The following FANCM variants were observed in gnomAD, a reference collection of about 807,000 sequenced individuals.
FANCM encodes Fanconi anemia group M protein.
FANCM carries 140 observed loss-of-function variants against 199.5 expected under a neutral mutation model. That is an observed-to-expected ratio of 0.70 (90% CI 0.61 to 0.81). The LOEUF (loss-of-function observed/expected upper bound fraction) is 0.81. Among genes scored for constraint, FANCM ranks in the 30% least tolerant of loss-of-function variants. The pLI is 0.00. For synonymous variants in FANCM, 840 were observed against 836.8 expected (o/e 1.00, Z -0.07); for missense variants, 2,410 against 2,421.4 (o/e 1.00, Z 0.10).
In FANCM at chr14:45,151,519, G is replaced by A. The variant is rs140998495; in HGVS notation, c.1041G>A (p.Pro347=). 1.8e-3 allele frequency: 2,840 copies of A among 1,611,722 alleles called. 41 individuals are homozygous for A. The Admixed American group carries it at 0.029, about 16-fold the overall frequency. The change falls in exon 5 of 23, where the codon CCG becomes CCA. Residue 347 remains proline (P), a synonymous_variant. Coordinates refer to ENST00000267430, the MANE Select transcript of FANCM (RefSeq NM_020937.4). ...ATCAGTTTAGGAAAAACCCATCTCC[G>A]AATATTGTGGTAGGTATTTTTAAAT... ...ARDQFRKNPS[P]NIVGIQQGII... is the part of the protein sequence containing the mutation.
chr14:45,176,697 G>C lies in FANCM; in HGVS notation c.3943G>C (p.Ala1315Pro). Residue 1315 changes from alanine (A) to proline (P), a missense_variant, in exon 14 of 23, where the codon GCA becomes CCA. Ala to Pro is a conservative substitution (Grantham distance 27, BLOSUM62 -1). Coordinates refer to ENST00000267430, the MANE Select transcript of FANCM (RefSeq NM_020937.4). ...TTATGTACATTTGCCACTGAGTGCA[G>C]CAAAAAATGAAGAATTGTTATCTCC... ...PNYVHLPLSA[A>P]KNEELLSPGY... is the part of the protein sequence containing the mutation. 1 of 1,613,584 alleles carries C rather than the reference G, an allele frequency of 6.2e-7. No individual in the cohort carries two copies. Among genetic ancestry groups the C allele is most frequent in the South Asian group, 1.1e-5 (1 of 91,026 alleles).
intron 3 of FANCM, among the ~76,000 whole-genome samples, chr14:45,145,437 C>T (rs984844609): frequency 6.6e-6 from 1 of 152,110 alleles, no homozygotes; most frequent in East Asian, 1.9e-4. Flanking sequence ...CTAGCTAGGG[C>T]TGGTCTAAAT....
chr14:45,160,875 C>T (rs932159665), intron 9 of FANCM, among the ~76,000 whole-genome samples: 6 of 152,024 alleles, frequency 3.9e-5, no homozygotes, highest in African/African-American at 4.8e-5. Flanking sequence ...CTCACTACAC[C>T]GAGAAGCGTC....
At chr14:45,183,327 AT>A (rs1220847431) in intron 16 of FANCM, among the ~76,000 whole-genome samples, 1 of 152,174 alleles carries the variant, frequency 6.6e-6, no homozygotes. Flanking sequence ...GATAGGCCTC[AT>A]AGTCAAAACT....
chr14:45,187,666 A>C, intron 18 of FANCM, 115 bp from the exon 19 acceptor site: 1 of 609,030 alleles, frequency 1.6e-6, no homozygotes, highest in Non-Finnish European at 3.0e-6. Flanking sequence ...TCTTTGTGTA[A>C]AATATTTGCA....
At position 45,174,999 on chromosome 14, in the gene FANCM, A is replaced by C. The variant is rs1030470378; in HGVS notation, c.2317-72A>C. 6 of 837,644 alleles carry C rather than the reference A, an allele frequency of 7.2e-6. No individual in the cohort carries two copies. The South Asian group carries it at 8.9e-5, about 12-fold the overall frequency. The allele number at this position is 837,644 out of a possible 1,614,324, so 51.9% of individuals were successfully genotyped here. A position where few individuals can be genotyped will look rare whatever the true frequency, so the allele number is the denominator to read the frequency against. On this transcript the variant is annotated intron_variant, in intron 13 of 22. Coordinates refer to ENST00000267430, the MANE Select transcript of FANCM (RefSeq NM_020937.4). ...TATAAATATTTTAATATAGAGTGAA[A>C]CTCCTCTCTTAGATTTGGCTTTCTG...
intron 3 of FANCM, among the ~76,000 whole-genome samples, chr14:45,141,835 G>A (rs1021935493): frequency 1.3e-5 from 2 of 151,552 alleles, no homozygotes; most frequent in African/African-American, 4.8e-5. Flanking sequence ...GTGATCTGCC[G>A]GCCTCAGCCT....
At chr14:45,144,304 T>TCCCCCCCCCCCCCCC (rs147372341) in intron 3 of FANCM, among the ~76,000 whole-genome samples, 2 of 149,602 alleles carry the variant, frequency 1.3e-5, no homozygotes, top group African/African-American at 2.5e-5. Flanking sequence ...TAATGTAGTG[T>TCCCCCCCCCCCCCCC]CCCCTCCACC....
chr14:45,151,937 A>G (rs916057953), intron 5 of FANCM, among the ~76,000 whole-genome samples: 1 of 151,124 alleles, frequency 6.6e-6, no homozygotes, highest in Admixed American at 6.6e-5. Flanking sequence ...AAAAAAAATC[A>G]GAAATGTTTA....
chr14:45,150,814 C>T lies in FANCM; in HGVS notation c.919-583C>T, dbSNP rs144268096. ...TTGTTCGCTTCTTTATTCTTCGGTT[C>T]CCTCCATTGGAATGTAAACTATATG... is the stretch of plus-strand genomic sequence containing the variant. On this transcript the variant is annotated intron_variant, in intron 4 of 22. Coordinates refer to ENST00000267430, the MANE Select transcript of FANCM (RefSeq NM_020937.4). Among the ~76,000 whole-genome samples, 746 of 152,248 alleles carry T rather than the reference C, an allele frequency of 4.9e-3. 9 individuals are homozygous for T. Among genetic ancestry groups the T allele is most frequent in the African/African-American group, 0.017 (703 of 41,534 alleles).
intron 3 of FANCM, among the ~76,000 whole-genome samples, chr14:45,141,456 T>C (rs1885937514): frequency 6.7e-6 from 1 of 150,272 alleles, no homozygotes; most frequent in African/African-American, 2.5e-5. Flanking sequence ...TTTTCAGTGG[T>C]TGCAGGACTC....
rs146061601 is a variant in FANCM at position 45,173,162 on chromosome 14, C to A, written c.2268C>A (p.Arg756=). The change falls in exon 13 of 23, where the codon CGC becomes CGA. Residue 756 remains arginine, a synonymous_variant. Coordinates refer to ENST00000267430, the MANE Select transcript of FANCM (RefSeq NM_020937.4). The part of the protein sequence containing the change: ...THQVDHSDRC[R]HFIGLMQMIE... ...AAGTTGATCACTCAGATCGATGCCG[C>A]CATTTTATAGGCCTTATGCAAATGA... The A allele has an allele frequency of 2.1e-3, 3,403 of 1,613,700 alleles. 7 individuals carry two copies. Among genetic ancestry groups the A allele is most frequent in the Non-Finnish European group, 2.8e-3 (3,246 of 1,179,712 alleles).
intron 3 of FANCM, among the ~76,000 whole-genome samples, chr14:45,142,943 C>T (rs1379279907): frequency 1.3e-5 from 2 of 151,992 alleles, no homozygotes; most frequent in Non-Finnish European, 2.9e-5. Context: ...TGTAAATAAT[C>T]CTGTTTTAGC....
chr14:45,173,765 GGTT>G (rs1285879902), intron 13 of FANCM, among the ~76,000 whole-genome samples: 1 of 152,148 alleles, frequency 6.6e-6, no homozygotes, highest in Non-Finnish European at 1.5e-5. Context: ...TATTTCATAA[GGTT>G]GTTGTGAGGA....
intron 12 of FANCM, 137 bp from the exon 13 acceptor site, chr14:45,172,918 C>T: frequency 4.6e-6 from 3 of 649,806 alleles, no homozygotes; most frequent in Admixed American, 2.8e-5. Context: ...TTTTTTTCTT[C>T]TGAGATTTTA....
intron 20 of FANCM, among the ~76,000 whole-genome samples, chr14:45,192,621 C>T (rs1401726105): frequency 6.6e-6 from 1 of 151,846 alleles, no homozygotes; most frequent in South Asian, 2.1e-4. Context: ...CCAGCCTGTG[C>T]AACATAGCGA....
At position 45,196,476 on chromosome 14, in the gene FANCM, A is replaced by C. The variant is rs1890065753; in HGVS notation, c.5645A>C (p.Glu1882Ala). ...AGTGTCAATAAGAACAAGTTCATTG[A>C]GCAGATCCAGCACCTGCAGAGTATG... is the stretch of plus-strand genomic sequence containing the variant. Reference protein sequence around the residue: ...LNSVNKNKFIEQIQHLQSMFE... With the variant: ...LNSVNKNKFIAQIQHLQSMFE... Residue 1882 changes from glutamate (E) to alanine (A), a missense_variant, in exon 21 of 23, where the codon GAG becomes GCG. Transcript: ENST00000267430. The C allele has an allele frequency of 6.2e-7, 1 of 1,614,030 alleles. No homozygotes were observed. The highest frequency in any genetic ancestry group is 1.1e-5 in the South Asian group (1 of 91,070).
chr14:45,189,384 A>T, intron 20 of FANCM, 22 bp downstream of exon 20: 1 of 1,536,366 alleles, frequency 6.5e-7, no homozygotes, highest in Non-Finnish European at 9.0e-7. Flanking sequence ...AGAAAGGAAA[A>T]ATATCTTTAG....
chr14:45,149,613 C>T (rs1401799265), intron 4 of FANCM, among the ~76,000 whole-genome samples: 1 of 152,096 alleles, frequency 6.6e-6, no homozygotes, highest in Non-Finnish European at 1.5e-5. Flanking sequence ...AGTGATTTTC[C>T]TGCCCCGACC....
Sources: gnomAD v4.1 joint callset for allele counts (sites outside exome capture counted in the v4.1 genomes callset) on GRCh38, gnomAD v4.1.1 for gene constraint, MANE v1.5 for transcripts, NCBI Gene and HGNC (gene_info 2026-07-23, HGNC 2026-07-21) for gene names.